Variants in AMBRA1 observed in about 807,000 individuals in gnomAD.
The protein encoded by AMBRA1 is activating molecule in BECN1-regulated autophagy protein 1.
AMBRA1 carries 47 observed loss-of-function variants against 125.4 expected under a neutral mutation model. That is an observed-to-expected ratio of 0.37 (90% CI 0.30 to 0.48). The LOEUF (loss-of-function observed/expected upper bound fraction) is 0.48, where lower values mean the gene tolerates loss of function less well. Among genes scored for constraint, AMBRA1 ranks in the 20% least tolerant of loss-of-function variants. AMBRA1 has a pLI of 0.99. For missense variants in AMBRA1, 1,331 were observed against 1,693.4 expected (o/e 0.79, Z 3.76); for synonymous variants, 626 against 655.5 (o/e 0.95, Z 0.69).
At chr11:46,556,721 T>C (rs1338346831) in intron 1 of AMBRA1, among the ~76,000 whole-genome samples, 1 of 152,160 alleles carries the variant, frequency 6.6e-6, no homozygotes, top group Admixed American at 6.5e-5. Context: ...TCCTCATCCA[T>C]AAAATGTGAC....
At chr11:46,505,295 C>A (rs1207449193) in intron 9 of AMBRA1, among the ~76,000 whole-genome samples, 2 of 152,200 alleles carry the variant, frequency 1.3e-5, no homozygotes, top group Non-Finnish European at 2.9e-5. Context: ...TCCCTCCTCA[C>A]AGAGCACGTG....
At chr11:46,565,513 C>T (rs1002481124) in intron 1 of AMBRA1, among the ~76,000 whole-genome samples, 1 of 151,906 alleles carries the variant, frequency 6.6e-6, no homozygotes, top group Non-Finnish European at 1.5e-5. Flanking sequence ...TCAAGACCAG[C>T]CTGGGCAACA....
Position 46,503,434 on chromosome 11 carries a change from A to G in AMBRA1, c.2339+4757T>C, listed in dbSNP as rs147340609. Among the ~76,000 whole-genome samples the G allele has an allele frequency of 1.3e-3, 197 of 152,310 alleles. 4 individuals carry two copies. In the East Asian group the frequency reaches 0.021, roughly 17 times the overall value. ...TTCACAGTGCCCCAAAACAATTACA[A>G]TTGATCACAGGTCACCATAACAGAT... is the stretch of plus-strand genomic sequence containing the variant. On this transcript the variant is annotated intron_variant, in intron 9 of 17. Coordinates refer to ENST00000683756, the MANE Select transcript of AMBRA1 (RefSeq NM_001387011.1).
chr11:46,420,597 T>G (rs1463277671), intron 14 of AMBRA1, among the ~76,000 whole-genome samples: 2 of 152,248 alleles, frequency 1.3e-5, no homozygotes, highest in East Asian at 3.8e-4. Flanking sequence ...AACTTGCCAT[T>G]TAACTTTTAA....
At chr11:46,483,885 G>C (rs552271001) in intron 11 of AMBRA1, among the ~76,000 whole-genome samples, 147 of 152,130 alleles carry the variant, frequency 9.7e-4, no homozygotes, top group Admixed American at 1.9e-3. Context: ...GTGAGACTCT[G>C]TCTCGAAAAG....
chr11:46,532,042 C>A (rs1038308255), intron 7 of AMBRA1, among the ~76,000 whole-genome samples: 4 of 151,428 alleles, frequency 2.6e-5, no homozygotes, highest in African/African-American at 9.7e-5. Flanking sequence ...TCACTTGAAC[C>A]TGGGAGGCGG....
At chr11:46,503,001 C>G (rs1355801501) in intron 9 of AMBRA1, among the ~76,000 whole-genome samples, 3 of 133,522 alleles carry the variant, frequency 2.2e-5, no homozygotes, top group African/African-American at 8.7e-5. Context: ...GCGGAGCATG[C>G]AGTGAGCCGA....
chr11:46,461,268 T>G (rs1386941570), intron 11 of AMBRA1, among the ~76,000 whole-genome samples: 4 of 152,224 alleles, frequency 2.6e-5, no homozygotes, highest in African/African-American at 9.6e-5. Context: ...ATAAACTTGT[T>G]GAGACAAATG....
At chr11:46,417,773 C>T in intron 15 of AMBRA1, 140 bp downstream of exon 15, 1 of 1,035,992 alleles carries the variant, frequency 9.7e-7, no homozygotes, top group South Asian at 3.2e-5. Flanking sequence ...GAAGAGGGCC[C>T]TTTAAGGAGT....
At chr11:46,507,153 GGCAACAC>G (rs1951067987) in intron 9 of AMBRA1, among the ~76,000 whole-genome samples, 4 of 108,544 alleles carry the variant, frequency 3.7e-5, no homozygotes, top group Admixed American at 9.6e-5. Flanking sequence ...CTGCAGCCTA[GGCAACAC>G]AGCAAGACTC....
intron 1 of AMBRA1, among the ~76,000 whole-genome samples, chr11:46,557,114 C>A (rs2043180193): frequency 6.8e-6 from 1 of 146,160 alleles, no homozygotes; most frequent in African/African-American, 2.5e-5. Flanking sequence ...CCAGCCTGGG[C>A]AACAAGAGCG....
At chr11:46,476,790 T>C (rs558109048) in intron 11 of AMBRA1, among the ~76,000 whole-genome samples, 78 of 152,314 alleles carry the variant, frequency 5.1e-4, no homozygotes, top group Non-Finnish European at 9.4e-4. Context: ...TTAGCTCTAT[T>C]AGTTCTGCCT....
chr11:46,517,488 T>G (rs184343636), intron 7 of AMBRA1, among the ~76,000 whole-genome samples: 19 of 145,824 alleles, frequency 1.3e-4, no homozygotes, highest in Non-Finnish European at 2.4e-4. Flanking sequence ...TTTTTTTTTT[T>G]TTTTTTTTTA....
At chr11:46,511,988 G>A (rs1005703829) in intron 8 of AMBRA1, among the ~76,000 whole-genome samples, 6 of 152,170 alleles carry the variant, frequency 3.9e-5, no homozygotes, top group South Asian at 4.1e-4. Flanking sequence ...CCAAGTAGCT[G>A]GGATTACAGG....
chr11:46,487,422 G>A (rs1950305450), intron 11 of AMBRA1, among the ~76,000 whole-genome samples: 1 of 152,074 alleles, frequency 6.6e-6, no homozygotes, highest in African/African-American at 2.4e-5. Context: ...TTTATGAAAA[G>A]TATAGCTCTG....
chr11:46,546,000 C>A, intron 4 of AMBRA1: 7 of 443,214 alleles, frequency 1.6e-5, no homozygotes, highest in Non-Finnish European at 2.0e-5. Context: ...TCACAATCTA[C>A]AAGCATTAAG....
intron 12 of AMBRA1, 144 bp downstream of exon 12, chr11:46,443,344 G>T: frequency 1.6e-6 from 1 of 643,348 alleles, no homozygotes; most frequent in Non-Finnish European, 2.8e-6. Context: ...TGAAAAGAAA[G>T]TTACAGAAGA....
intron 15 of AMBRA1, 118 bp from the exon 16 acceptor site, chr11:46,410,486 G>T: frequency 2.4e-6 from 2 of 850,500 alleles, no homozygotes; most frequent in East Asian, 2.6e-5. Flanking sequence ...CTCTCTCCTG[G>T]GGCTGAGCTG....
chr11:46,511,118 T>C (rs1156991071), intron 8 of AMBRA1, among the ~76,000 whole-genome samples: 3 of 152,222 alleles, frequency 2.0e-5, no homozygotes, highest in East Asian at 3.8e-4. Flanking sequence ...GGTCGTTAAG[T>C]ATCCTTGTAG....
Sources: gnomAD v4.1 joint callset for allele counts (sites outside exome capture counted in the v4.1 genomes callset) on GRCh38, gnomAD v4.1.1 for gene constraint, MANE v1.5 for transcripts, NCBI Gene and HGNC (gene_info 2026-07-23, HGNC 2026-07-21) for gene names.